DCC: variants seen among roughly 807,000 people sequenced by gnomAD.
DCC encodes netrin receptor DCC.
In DCC, 58 loss-of-function variants were observed where a neutral mutation model predicts 172.5. The ratio of observed to expected loss-of-function variants is 0.34; its 90% CI spans 0.27 to 0.42. DCC has a LOEUF of 0.42. Among genes scored for constraint, DCC ranks in the 10% least tolerant of loss-of-function variants. DCC has a pLI of 1.00. For missense variants in DCC, 1,740 were observed against 1,791.0 expected (o/e 0.97, Z 0.51); for synonymous variants, 709 against 644.5 (o/e 1.10, Z -1.52).
intron 8 of DCC, among the ~76,000 whole-genome samples, chr18:53,161,053 T>C (rs1302134564): frequency 6.6e-6 from 1 of 152,244 alleles, no homozygotes; most frequent in Non-Finnish European, 1.5e-5. Context: ...CATGTCAGCA[T>C]GTAGTCGAAT....
chr18:53,083,944 G>A (rs374561646), intron 7 of DCC, among the ~76,000 whole-genome samples: 3 of 152,280 alleles, frequency 2.0e-5, no homozygotes, highest in African/African-American at 2.4e-5. Flanking sequence ...ACCTTTCTCC[G>A]AATTTCCCTC....
intron 1 of DCC, among the ~76,000 whole-genome samples, chr18:52,460,480 T>A (rs1191876172): frequency 6.6e-6 from 1 of 152,176 alleles, no homozygotes; most frequent in Non-Finnish European, 1.5e-5. Flanking sequence ...TTATTGCTGG[T>A]GTCTCTCCAT....
At chr18:53,038,573 T>G (rs2042125906) in intron 5 of DCC, among the ~76,000 whole-genome samples, 1 of 152,022 alleles carries the variant, frequency 6.6e-6, no homozygotes, top group South Asian at 2.1e-4. Context: ...ATCCTCAAAA[T>G]CATCTCCTTT....
intron 1 of DCC, among the ~76,000 whole-genome samples, chr18:52,435,961 G>A (rs1987781997): frequency 1.3e-5 from 2 of 152,152 alleles, no homozygotes; most frequent in African/African-American, 4.8e-5. Context: ...ATGACCCATG[G>A]CAACCATCTC....
intron 1 of DCC, among the ~76,000 whole-genome samples, chr18:52,525,721 A>T (rs1236551168): frequency 6.6e-6 from 1 of 152,230 alleles, no homozygotes; most frequent in African/African-American, 2.4e-5. Flanking sequence ...GAGAACAGAA[A>T]AATGTGATAG....
intron 1 of DCC, among the ~76,000 whole-genome samples, chr18:52,677,961 G>A (rs1026187472): frequency 2.1e-4 from 32 of 152,170 alleles, no homozygotes; most frequent in Middle Eastern, 3.4e-3. Context: ...TAAAGTCAAG[G>A]GTAAGGCTAA....
At chr18:53,242,549 C>T (rs1011286172) in intron 12 of DCC, among the ~76,000 whole-genome samples, 3 of 152,090 alleles carry the variant, frequency 2.0e-5, no homozygotes, top group African/African-American at 7.2e-5. Context: ...TAAGGTAAGG[C>T]CATTGCCTGT....
chr18:53,130,928 T>G (rs903684404), intron 7 of DCC, among the ~76,000 whole-genome samples: 1 of 152,272 alleles, frequency 6.6e-6, no homozygotes, highest in Non-Finnish European at 1.5e-5. Flanking sequence ...ATGTTCAGAT[T>G]ACACTGTACT....
At chr18:52,976,241 A>C (rs988618637) in intron 5 of DCC, among the ~76,000 whole-genome samples, 1 of 151,572 alleles carries the variant, frequency 6.6e-6, no homozygotes, top group African/African-American at 2.4e-5. Context: ...TAGATGCTGG[A>C]TATTAGACCT....
chr18:53,526,316 A>ACTT (rs1220210677), intron 27 of DCC, among the ~76,000 whole-genome samples: 2 of 152,180 alleles, frequency 1.3e-5, no homozygotes, highest in East Asian at 3.9e-4. Flanking sequence ...CTTGCCTGAC[A>ACTT]CTTTATAGGG....
At chr18:52,596,333 G>A (rs1023701880) in intron 1 of DCC, among the ~76,000 whole-genome samples, 2 of 152,160 alleles carry the variant, frequency 1.3e-5, no homozygotes, top group Middle Eastern at 3.2e-3. Context: ...TTCAAGTGGT[G>A]ATCTAAATTA....
At chr18:53,295,672 G>A (rs1226041038) in intron 12 of DCC, among the ~76,000 whole-genome samples, 1 of 152,142 alleles carries the variant, frequency 6.6e-6, no homozygotes, top group Non-Finnish European at 1.5e-5. Flanking sequence ...ATCCATATGG[G>A]TAATCTTTGT....
At chr18:53,048,337 T>C (rs2042286824) in intron 5 of DCC, among the ~76,000 whole-genome samples, 1 of 151,880 alleles carries the variant, frequency 6.6e-6, no homozygotes, top group Non-Finnish European at 1.5e-5. Context: ...CCATGTGTTC[T>C]TGTTGTTTAG....
At chr18:52,986,835 T>TACACACACACACATATACATACACAC (rs1555692525) in intron 5 of DCC, among the ~76,000 whole-genome samples, 6 of 135,990 alleles carry the variant, frequency 4.4e-5, no homozygotes, top group African/African-American at 1.5e-4. Context: ...CACATATACA[T>TACACACACACACATATACATACACAC]ACACACACAC....
chr18:53,418,404 G>C (rs967282799), intron 21 of DCC, among the ~76,000 whole-genome samples: 1 of 152,078 alleles, frequency 6.6e-6, no homozygotes, highest in African/African-American at 2.4e-5. Flanking sequence ...AATAGGAAGA[G>C]GCTGATCTTA....
chr18:52,679,225 A>T (rs1393839622), intron 1 of DCC, among the ~76,000 whole-genome samples: 1 of 152,042 alleles, frequency 6.6e-6, no homozygotes, highest in Non-Finnish European at 1.5e-5. Flanking sequence ...TATAATTACC[A>T]TCATAATTTT....
rs542225731 is a variant in DCC, at chr18:53,084,665, G to A, written c.1261+18499G>A. 5.9e-5 allele frequency among the ~76,000 whole-genome samples: 9 copies of A among 152,224 alleles called. No individual in the cohort carries two copies. The East Asian group carries it at 1.2e-3, about 20-fold the overall frequency. The stretch of plus-strand genomic sequence containing the variant: ...GTGGGTGGACAGCCTCTTTAAGTAG[G>A]AAAAGGCAAGGAGATGAATTCATCT... On this transcript the variant is annotated intron_variant, in intron 7 of 28. Coordinates refer to ENST00000442544, the MANE Select transcript of DCC (RefSeq NM_005215.4).
At chr18:53,114,504 A>G (rs1306952826) in intron 7 of DCC, among the ~76,000 whole-genome samples, 1 of 151,618 alleles carries the variant, frequency 6.6e-6, no homozygotes, top group Admixed American at 6.6e-5. Context: ...GCATATTTTA[A>G]AATCTGGTGG....
At chr18:53,349,088 G>A (rs1043380749) in intron 15 of DCC, among the ~76,000 whole-genome samples, 2 of 152,068 alleles carry the variant, frequency 1.3e-5, no homozygotes, top group African/African-American at 4.8e-5. Flanking sequence ...TTATGCTTTG[G>A]TTCCCTTATA....
Sources: gnomAD v4.1 joint callset for allele counts (sites outside exome capture counted in the v4.1 genomes callset) on GRCh38, gnomAD v4.1.1 for gene constraint, MANE v1.5 for transcripts, NCBI Gene and HGNC (gene_info 2026-07-23, HGNC 2026-07-21) for gene names.